Variants in PLXNB2 observed in about 807,000 individuals in gnomAD.
PLXNB2 encodes the protein plexin B2.
PLXNB2 carries 85 observed loss-of-function variants against 202.6 expected under a neutral mutation model. The observed-to-expected ratio is 0.42, with a 90% confidence interval of 0.35 to 0.50. The LOEUF (loss-of-function observed/expected upper bound fraction) is 0.50, where lower values mean the gene tolerates loss of function less well. Among genes scored for constraint, PLXNB2 ranks in the 20% least tolerant of loss-of-function variants. The pLI, the probability that PLXNB2 is intolerant of heterozygous loss-of-function variation, is 0.02. For missense variants in PLXNB2, 2,063 were observed against 2,586.2 expected, an observed-to-expected ratio of 0.80 and a Z score of 4.39; for synonymous variants, 1,239 against 1,137.6, an observed-to-expected ratio of 1.09 and a Z score of -1.79.
rs750444951 is a variant in PLXNB2 at position 50,282,265 on chromosome 22, C to T, written c.3036G>A (p.Gln1012=). Residue 1012 remains glutamine, a synonymous_variant, in exon 19 of 37, where the codon CAG becomes CAA. Coordinates refer to ENST00000359337, the MANE Select transcript of PLXNB2 (RefSeq NM_012401.4). ...NVTGQGFSLI[Q]RFAMVVIAEP... is the part of the protein sequence containing the mutation. ...CCGCGATGACCACCATGGCAAACCT[C>T]TGGATCAGGCTGAAGCCCTGACCCG... 19 of 1,612,286 alleles carry T rather than the reference C, an allele frequency of 1.2e-5. 1 individual carries two copies. In the South Asian group the frequency reaches 1.6e-4, roughly 14 times the overall value.
rs757104190 is a variant in PLXNB2, at chr22:50,275,135, T to G, written c.*569A>C. 1 of 275,764 alleles carries G rather than the reference T, an allele frequency of 3.6e-6. No homozygotes were observed. Among genetic ancestry groups the G allele is most frequent in the Non-Finnish European group, 7.2e-6 (1 of 139,040 alleles). The allele number at this position is 275,764 out of a possible 1,614,324, so 17.1% of individuals were successfully genotyped here. A position where few individuals can be genotyped will look rare whatever the true frequency, so the allele number is the denominator to read the frequency against. On this transcript the variant is annotated 3_prime_UTR_variant, in exon 37 of 37. Transcript: ENST00000359337. ...ACCCCAGGATGTCTGGGCCCCGACG[T>G]AGGACTTGACCTACGTCTCACTTGA...
chr22:50,286,352 C>CGG, intron 8 of PLXNB2, 65 bp from the exon 9 acceptor site: 1 of 1,197,178 alleles, frequency 8.4e-7, no homozygotes, highest in Non-Finnish European at 1.2e-6. Context: ...GGCTGGGCCT[C>CGG]CCCTGGGGCT....
At position 50,289,559 on chromosome 22, in the gene PLXNB2, G is replaced by C; in HGVS notation, c.1026C>G (p.Tyr342Ter). 1 of 1,611,908 alleles carries C rather than the reference G, an allele frequency of 6.2e-7. No individual in the cohort carries two copies. The highest frequency in any genetic ancestry group is 8.5e-7 in the Non-Finnish European group (1 of 1,179,866). Reference sequence around the variant, plus strand: ...ACTGGATATCGCCGTGGAAGGGCTTGTAGAAGATGTCACGGGCCTCCCGGG... The same window carrying C: ...ACTGGATATCGCCGTGGAAGGGCTTCTAGAAGATGTCACGGGCCTCCCGGG... ...TGTREARDIFYKPFHGDIQCG... is the reference protein window; with the variant it reads ...TGTREARDIF Residue 342 changes from tyrosine (Y) to a stop codon, truncating the protein, a stop_gained, in exon 3 of 37, where the codon TAC (tyrosine) becomes TAG (stop). Transcript: ENST00000359337. LOFTEE classifies it high-confidence loss of function. The surrounding 1 kb of genome is among the most constrained non-coding windows in gnomAD (Gnocchi z 8.0).
chr22:50,291,184 G>A lies in PLXNB2; in HGVS notation c.-13-587C>T, dbSNP rs2066845250. Among the ~76,000 whole-genome samples the A allele has an allele frequency of 6.6e-6, 1 of 152,128 alleles. No individual in the cohort carries two copies. Among genetic ancestry groups the A allele is most frequent in the Non-Finnish European group, 1.5e-5 (1 of 68,018 alleles). ...CCGCCAGAGCCCCCAGGCGGCCTGA[G>A]CCTCCCTGACCACCTCCAGGCCCCC... is the stretch of plus-strand genomic sequence containing the variant. On this transcript the variant is annotated intron_variant, in intron 2 of 36. Transcript: ENST00000359337. The surrounding 1 kb of genome is among the most constrained non-coding windows in gnomAD (Gnocchi z 4.3).
At chr22:50,280,714 G>GGCCCCCCCCCCCCCCC in intron 24 of PLXNB2, 30 bp downstream of exon 24, 4 of 1,528,926 alleles carry the variant, frequency 2.6e-6, no homozygotes, top group Non-Finnish European at 2.7e-6. Flanking sequence ...CCACCTGTGT[G>GGCCCCCCCCCCCCCCC]CCCTCCCGCC....
At chr22:50,298,427 G>A (rs549751207) in intron 1 of PLXNB2, among the ~76,000 whole-genome samples, 17 of 151,132 alleles carry the variant, frequency 1.1e-4, no homozygotes, top group East Asian at 2.0e-4. Context: ...TCTGGCCCCC[G>A]CCCCTCCCAC....
chr22:50,276,543 C>A, intron 35 of PLXNB2, 86 bp downstream of exon 35: 1 of 1,178,812 alleles, frequency 8.5e-7, no homozygotes, highest in Non-Finnish European at 1.3e-6. Flanking sequence ...CACCACATTA[C>A]CCCTGCCCTG....
chr22:50,288,653 C>T lies in PLXNB2; in HGVS notation c.1380+90G>A. The T allele has an allele frequency of 6.5e-7, 1 of 1,544,844 alleles. No homozygotes were observed. Among genetic ancestry groups the T allele is most frequent in the Non-Finnish European group, 8.8e-7 (1 of 1,142,666 alleles). On this transcript the variant is annotated intron_variant, in intron 5 of 36. Coordinates refer to ENST00000359337, the MANE Select transcript of PLXNB2 (RefSeq NM_012401.4). This position sits in a 1 kb window ranked among gnomAD's most constrained non-coding sequence, Gnocchi z 5.0. ...CCCAGCTCTGCAGCACCCCATCCTC[C>T]TCTGGCCCCCAGGCCTGTCCTAAGG...
chr22:50,282,690 G>T, intron 18 of PLXNB2, 21 bp downstream of exon 18: 1 of 1,563,318 alleles, frequency 6.4e-7, no homozygotes, highest in Non-Finnish European at 8.7e-7. Context: ...GCAGAGGGGG[G>T]CGGGGGGACA....
In PLXNB2 at chr22:50,284,992, T is replaced by G. The variant is rs547683748; in HGVS notation, c.2089-327A>C. On this transcript the variant is annotated intron_variant, in intron 11 of 36. Coordinates refer to ENST00000359337, the MANE Select transcript of PLXNB2 (RefSeq NM_012401.4). The surrounding 1 kb of genome is among the most constrained non-coding windows in gnomAD (Gnocchi z 8.0). The stretch of plus-strand genomic sequence containing the variant: ...AGGAGGTGGCACTGGCCCCTCAATC[T>G]CCACACGCCTGCCTCCTCCACTGCC... 3.4e-5 allele frequency: 16 copies of G among 469,880 alleles called. No homozygotes were observed. Among genetic ancestry groups the G allele is most frequent in the African/African-American group, 2.6e-4 (13 of 50,780 alleles). The allele number at this position is 469,880 out of a possible 1,614,324, so 29.1% of individuals were successfully genotyped here. A position where few individuals can be genotyped will look rare whatever the true frequency, so the allele number is the denominator to read the frequency against.
intron 1 of PLXNB2, chr22:50,300,394 G>A (rs1011445856): frequency 1.1e-6 from 1 of 892,540 alleles, no homozygotes. Flanking sequence ...GCCCCCGGTC[G>A]GTCTCAGGGC....
intron 25 of PLXNB2, 133 bp from the exon 26 acceptor site, chr22:50,280,204 C>A: frequency 1.4e-6 from 1 of 706,884 alleles, no homozygotes; most frequent in Non-Finnish European, 2.3e-6. Flanking sequence ...GCAGCGAGGA[C>A]TACCTGGTGG....
In PLXNB2 at chr22:50,287,790, G is replaced by A; in HGVS notation, c.1485C>T (p.Cys495=). ...CCCGCGGACACTCGGCCTTCCGGGT[G>A]CATCTGCAGGCGCAGGGGGCGGCCT... ...YCGWCVVEGR[C]TRKAECPRAE... Residue 495 remains cysteine, a synonymous_variant, in exon 7 of 37, where the codon TGC becomes TGT. Coordinates refer to ENST00000359337, the MANE Select transcript of PLXNB2 (RefSeq NM_012401.4). The A allele has an allele frequency of 1.9e-6, 3 of 1,593,414 alleles. No homozygotes were observed. The highest frequency in any genetic ancestry group is 2.5e-6 in the Non-Finnish European group (3 of 1,176,760).
In PLXNB2 at chr22:50,278,925, CTCCTTGACCTGG is replaced by C. The variant is rs1398038133; in HGVS notation, c.4464_4475del (p.Gln1489_Glu1492del). On this transcript the variant is annotated inframe_deletion, in exon 28 of 37. Transcript: ENST00000359337. ...CACGGTACACCTGGTCAATGATCTT[CTCCTTGACCTGG>C]GAGATGGTGTCACAGTTGAGGACCT... The C allele has an allele frequency of 6.2e-7, 1 of 1,613,682 alleles. No homozygotes were observed. Among genetic ancestry groups the C allele is most frequent in the Admixed American group, 1.7e-5 (1 of 60,014 alleles).
At chr22:50,279,086 C>A in intron 27 of PLXNB2, 75 bp from the exon 28 acceptor site, 1 of 1,456,070 alleles carries the variant, frequency 6.9e-7, no homozygotes, top group Non-Finnish European at 9.2e-7. Context: ...CACTCCCTGC[C>A]CCGCCAGCTT....
In PLXNB2 at chr22:50,297,361, CCT is replaced by C. The variant is rs992643515; in HGVS notation, c.-73-2585_-73-2584del. 1.3e-5 allele frequency among the ~76,000 whole-genome samples: 2 copies of C among 152,182 alleles called. No individual in the cohort carries two copies. The highest frequency in any genetic ancestry group is 2.9e-5 in the Non-Finnish European group (2 of 68,012). On this transcript the variant is annotated intron_variant, in intron 1 of 36. Coordinates refer to ENST00000359337, the MANE Select transcript of PLXNB2 (RefSeq NM_012401.4). The surrounding 1 kb of genome is among the most constrained non-coding windows in gnomAD (Gnocchi z 5.3). ...TCCCGCACGCCCTCGAACAACCTCC[CCT>C]GAGTGATCGATCCACTCAGGAAGCC...
At position 50,275,641 on chromosome 22, in the gene PLXNB2, C is replaced by A; in HGVS notation, c.*63G>T. The stretch of plus-strand genomic sequence containing the variant: ...CTCAGCCACAGCCACTCGGCCTCCT[C>A]CCCTGAGGGGCTCTCAGGTACCTCA... On this transcript the variant is annotated 3_prime_UTR_variant, in exon 37 of 37. Transcript: ENST00000359337. The A allele has an allele frequency of 8.3e-7, 1 of 1,204,812 alleles. No homozygotes were observed. The highest frequency in any genetic ancestry group is 1.2e-6 in the Non-Finnish European group (1 of 841,098). The allele number at this position is 1,204,812 out of a possible 1,614,324, so 74.6% of individuals were successfully genotyped here.
chr22:50,296,621 AAAAG>A (rs1278355133), intron 1 of PLXNB2, among the ~76,000 whole-genome samples: 4 of 150,820 alleles, frequency 2.7e-5, no homozygotes, highest in South Asian at 4.2e-4. Context: ...AAAGGAAAAG[AAAAG>A]AAAGAAAGAA....
rs979603617 is a variant in PLXNB2 at position 50,284,078 on chromosome 22, C to A, written c.2263+54G>T. On this transcript the variant is annotated intron_variant, in intron 13 of 36. Coordinates refer to ENST00000359337, the MANE Select transcript of PLXNB2 (RefSeq NM_012401.4). The surrounding 1 kb of genome is among the most constrained non-coding windows in gnomAD (Gnocchi z 8.0). ...TGCGCCCACCTGTCCCCCCACCCAC[C>A]GCCTTGTGCCCACCCGTCCCCTGCC... The A allele has an allele frequency of 2.9e-5, 45 of 1,548,024 alleles. No individual in the cohort carries two copies. The highest frequency in any genetic ancestry group is 3.8e-5 in the Non-Finnish European group (44 of 1,149,098).
Sources: gnomAD v4.1 joint callset for allele counts (sites outside exome capture counted in the v4.1 genomes callset) on GRCh38, gnomAD v4.1.1 for gene constraint, Gnocchi (gnomAD v3.1) non-coding constraint, MANE v1.5 for transcripts, NCBI Gene and HGNC (gene_info 2026-07-23, HGNC 2026-07-21) for gene names.